The following DMRT1 variants were observed in gnomAD, a reference collection of about 807,000 sequenced individuals.
DMRT1 encodes the protein doublesex- and mab-3-related transcription factor 1.
A neutral mutation model predicts 32.3 loss-of-function variants in DMRT1; 7 were observed. The observed-to-expected ratio is 0.22, with a 90% CI of 0.12 to 0.41. The LOEUF (loss-of-function observed/expected upper bound fraction) is 0.41, where lower values mean the gene tolerates loss of function less well. Among genes scored for constraint, DMRT1 ranks in the 10% least tolerant of loss-of-function variants. The pLI is 1.00. For synonymous variants in DMRT1, 278 were observed against 206.1 expected (o/e 1.35, Z -2.99); for missense variants, 625 against 500.5 (o/e 1.25, Z -2.37).
chr9:877,619 A>G (rs1191362423), intron 2 of DMRT1, among the ~76,000 whole-genome samples: 1 of 152,264 alleles, frequency 6.6e-6, no homozygotes, highest in East Asian at 1.9e-4. Context: ...ATTCCAAAAA[A>G]AGAAGCTAAA....
chr9:942,643 T>G (rs928482585), intron 4 of DMRT1, among the ~76,000 whole-genome samples: 4 of 152,200 alleles, frequency 2.6e-5, no homozygotes, highest in Non-Finnish European at 4.4e-5. Context: ...ACTATACCTG[T>G]GGTTCTGGAG....
rs10977798 is a variant in DMRT1, at chr9:956,065, T to G, written c.968-11920T>G. On this transcript the variant is annotated intron_variant, in intron 4 of 4. Transcript: ENST00000382276. The stretch of plus-strand genomic sequence containing the variant: ...GATGGATAAACAAAAGGTGTATACG[T>G]ATACAATGGAATGTTATTTCGTCTT... 8.7e-3 allele frequency among the ~76,000 whole-genome samples: 1,327 copies of G among 152,346 alleles called. 23 individuals carry two copies. The highest frequency in any genetic ancestry group is 0.029 in the African/African-American group (1,223 of 41,560).
chr9:924,242 T>G lies in DMRT1; in HGVS notation c.967+7335T>G, dbSNP rs1000314906. 3.3e-5 allele frequency among the ~76,000 whole-genome samples: 5 copies of G among 151,922 alleles called. No homozygotes were observed. The East Asian group carries it at 7.7e-4, about 23-fold the overall frequency. ...GTGCACCACCACACCCAGCTAACTT[T>G]TGTATTTTTAGTAGAGATGGGGTTT... is the stretch of plus-strand genomic sequence containing the variant. On this transcript the variant is annotated intron_variant, in intron 4 of 4. Coordinates refer to ENST00000382276, the MANE Select transcript of DMRT1 (RefSeq NM_021951.3).
intron 4 of DMRT1, among the ~76,000 whole-genome samples, chr9:920,887 G>T (rs4742561): frequency 2.0e-5 from 3 of 152,046 alleles, no homozygotes; most frequent in African/African-American, 4.8e-5. Context: ...TTGTCTAAGA[G>T]GGGAGATAAG....
intron 2 of DMRT1, among the ~76,000 whole-genome samples, chr9:856,479 AATG>A (rs1815406577): frequency 6.6e-6 from 1 of 152,194 alleles, no homozygotes. Flanking sequence ...ATATAACTGG[AATG>A]ATAAGATGTG....
At chr9:866,524 A>G (rs1307771413) in intron 2 of DMRT1, among the ~76,000 whole-genome samples, 1 of 51,746 alleles carries the variant, frequency 1.9e-5, no homozygotes, top group Non-Finnish European at 5.0e-5. Context: ...CCTTCTTGAA[A>G]ACACTCTCAA....
chr9:868,030 T>C (rs1327936129), intron 2 of DMRT1, among the ~76,000 whole-genome samples: 8 of 152,194 alleles, frequency 5.3e-5, no homozygotes, highest in Admixed American at 5.2e-4. Context: ...CAGGCTGGAG[T>C]GCAGTCGTGT....
At chr9:887,992 T>C (rs918464696) in intron 2 of DMRT1, among the ~76,000 whole-genome samples, 1 of 152,212 alleles carries the variant, frequency 6.6e-6, no homozygotes, top group African/African-American at 2.4e-5. Context: ...CAAGAATAAA[T>C]GATTTTTGTA....
Position 937,609 on chromosome 9 carries a change from A to AT in DMRT1, c.967+20709dup, listed in dbSNP as rs1182735784. ...TCACTGATGGCTAATGATGTTGAGC[A>AT]TTTTTTTCATGTGCTTCTTGGCCAT... is the stretch of plus-strand genomic sequence containing the variant. On this transcript the variant is annotated intron_variant, in intron 4 of 4. Transcript: ENST00000382276. Among the ~76,000 whole-genome samples, 9 of 152,056 alleles carry AT rather than the reference A, an allele frequency of 5.9e-5. No individual in the cohort carries two copies. The East Asian group carries it at 9.7e-4, about 16-fold the overall frequency.
At chr9:864,499 CTTTTT>C (rs57418212) in intron 2 of DMRT1, among the ~76,000 whole-genome samples, 2 of 108,898 alleles carry the variant, frequency 1.8e-5, no homozygotes, top group Non-Finnish European at 3.5e-5. Context: ...AGCCAGTACT[CTTTTT>C]TTTTTTTTTT....
In DMRT1 at chr9:932,210, C is replaced by G. The variant is rs114754057; in HGVS notation, c.967+15303C>G. Among the ~76,000 whole-genome samples, 744 of 152,296 alleles carry G rather than the reference C, an allele frequency of 4.9e-3. 3 individuals carry two copies. Among genetic ancestry groups the G allele is most frequent in the African/African-American group, 0.017 (703 of 41,552 alleles). ...TCTACCTCTGAATTTCAGAAAATTT[C>G]TAATCCATGCCATCTTTGCCTTTTA... On this transcript the variant is annotated intron_variant, in intron 4 of 4. Transcript: ENST00000382276.
intron 3 of DMRT1, among the ~76,000 whole-genome samples, chr9:899,588 A>C (rs532298463): frequency 6.6e-6 from 1 of 152,290 alleles, no homozygotes; most frequent in Non-Finnish European, 1.5e-5. Context: ...GTGAAACAGG[A>C]ATAACATTTG....
chr9:866,298 A>G (rs755306591), intron 2 of DMRT1, among the ~76,000 whole-genome samples: 4 of 152,054 alleles, frequency 2.6e-5, no homozygotes, highest in Non-Finnish European at 5.9e-5. Context: ...AATCGTCAGG[A>G]CATTGCATAT....
At chr9:900,502 C>T (rs1234455644) in intron 3 of DMRT1, among the ~76,000 whole-genome samples, 1 of 152,040 alleles carries the variant, frequency 6.6e-6, no homozygotes, top group Non-Finnish European at 1.5e-5. Flanking sequence ...GCACTCTCTG[C>T]AGCTGTGCCA....
chr9:886,538 G>A (rs1002641450), intron 2 of DMRT1, among the ~76,000 whole-genome samples: 2 of 151,990 alleles, frequency 1.3e-5, no homozygotes, highest in African/African-American at 4.8e-5. Context: ...TTACACGCGT[G>A]AGCCACCGTG....
intron 3 of DMRT1, among the ~76,000 whole-genome samples, chr9:901,823 A>G (rs1817588093): frequency 6.6e-6 from 1 of 150,820 alleles, no homozygotes; most frequent in Non-Finnish European, 1.5e-5. Context: ...GGAGCCCTTC[A>G]CAGTCTTGTT....
intron 2 of DMRT1, among the ~76,000 whole-genome samples, chr9:851,729 A>G (rs181270252): frequency 6.6e-6 from 1 of 152,328 alleles, no homozygotes; most frequent in East Asian, 1.9e-4. Flanking sequence ...GATAACATAT[A>G]TTAGAAGAAA....
At chr9:916,368 A>G (rs543789947) in intron 3 of DMRT1, among the ~76,000 whole-genome samples, 1 of 149,242 alleles carries the variant, frequency 6.7e-6, no homozygotes, top group African/African-American at 2.5e-5. Flanking sequence ...TATTCCCTTA[A>G]TTTGCTTTTT....
chr9:885,199 A>G (rs1816879432), intron 2 of DMRT1, among the ~76,000 whole-genome samples: 1 of 152,092 alleles, frequency 6.6e-6, no homozygotes, highest in Non-Finnish European at 1.5e-5. Context: ...CTGAAGCCCC[A>G]GTGGGTGTGT....
Sources: gnomAD v4.1 joint callset for allele counts (sites outside exome capture counted in the v4.1 genomes callset) on GRCh38, gnomAD v4.1.1 for gene constraint, MANE v1.5 for transcripts, NCBI Gene and HGNC (gene_info 2026-07-23, HGNC 2026-07-21) for gene names.